Variants in PTP4A3 observed in about 807,000 individuals in gnomAD.
PTP4A3 encodes protein tyrosine phosphatase type IVA 3.
In PTP4A3, 9 loss-of-function variants were observed where a neutral mutation model predicts 15.2. That is an observed-to-expected ratio of 0.59 (90% CI 0.36 to 1.03). The LOEUF is 1.03. PTP4A3 is among the 50% of genes least tolerant of loss of function. The pLI is 0.02. For synonymous variants in PTP4A3, 95 were observed against 102.0 expected, an observed-to-expected ratio of 0.93 and a Z score of 0.41; for missense variants, 234 against 252.1, an observed-to-expected ratio of 0.93 and a Z score of 0.49.
chr8:141,404,267 T>C (rs1356379593), intron 1 of PTP4A3, among the ~76,000 whole-genome samples: 1 of 152,294 alleles, frequency 6.6e-6, no homozygotes, highest in Non-Finnish European at 1.5e-5. Flanking sequence ...TTTGAGGAGC[T>C]GCTGTACTTG....
At chr8:141,418,102 G>T (rs768630274) in intron 1 of PTP4A3, among the ~76,000 whole-genome samples, 4 of 152,008 alleles carry the variant, frequency 2.6e-5, no homozygotes, top group Non-Finnish European at 4.4e-5. Flanking sequence ...CCCTCCGGAG[G>T]GCTGGGCGGG....
chr8:141,418,574 G>C lies in PTP4A3; in HGVS notation c.-853-2814G>C, dbSNP rs80043353. On this transcript the variant is annotated intron_variant, in intron 1 of 5. Transcript: ENST00000521578. ...AGAAATAGCTGAGGGCTCTGGGCCT[G>C]CTGGCCCGAGGAGGCTGAGCCAGAT... is the stretch of plus-strand genomic sequence containing the variant. 1.8e-4 allele frequency among the ~76,000 whole-genome samples: 27 copies of C among 152,336 alleles called. No individual in the cohort carries two copies. The East Asian group carries it at 3.5e-3, about 20-fold the overall frequency.
At chr8:141,397,003 C>G (rs1832468180) in intron 1 of PTP4A3, among the ~76,000 whole-genome samples, 1 of 152,122 alleles carries the variant, frequency 6.6e-6, no homozygotes, top group African/African-American at 2.4e-5. Flanking sequence ...AGCCCACAGC[C>G]TCTCCTCCCT....
At chr8:141,411,684 G>A (rs866383085) in intron 1 of PTP4A3, among the ~76,000 whole-genome samples, 3 of 152,292 alleles carry the variant, frequency 2.0e-5, no homozygotes, top group African/African-American at 7.2e-5. Flanking sequence ...CCCCTCTGAC[G>A]TGCGTCCACT....
chr8:141,426,758 C>T, intron 3 of PTP4A3, 181 bp from the exon 4 acceptor site: 1 of 930,286 alleles, frequency 1.1e-6, no homozygotes, highest in South Asian at 5.0e-5. Flanking sequence ...CTGAAGCACT[C>T]ACCATGGGGT....
rs1056065289 is a variant in PTP4A3 at position 141,431,714 on chromosome 8, C to G, written c.*670C>G. 1 of 152,460 alleles carries G rather than the reference C, an allele frequency of 6.6e-6. No homozygotes were observed. Among genetic ancestry groups the G allele is most frequent in the Non-Finnish European group, 1.5e-5 (1 of 68,246 alleles). The allele number at this position is 152,460 out of a possible 1,614,324, so 9.4% of individuals were successfully genotyped here. A position where few individuals can be genotyped will look rare whatever the true frequency, so the allele number is the denominator to read the frequency against. On this transcript the variant is annotated 3_prime_UTR_variant, in exon 6 of 6. Coordinates refer to ENST00000521578, the MANE Select transcript of PTP4A3 (RefSeq NM_032611.3). ...AGCCTGCCCTGTCCTGTCCTGATAC[C>G]GAGGTGGGAGCCCTGCCTTGGCCAG...
At chr8:141,394,598 T>C (rs1297211482) in intron 1 of PTP4A3, among the ~76,000 whole-genome samples, 1 of 152,228 alleles carries the variant, frequency 6.6e-6, no homozygotes, top group Non-Finnish European at 1.5e-5. Flanking sequence ...CTTGGTTTCT[T>C]GCCCCTCCGT....
At chr8:141,428,649 G>A (rs1023499298) in intron 5 of PTP4A3, among the ~76,000 whole-genome samples, 3 of 152,102 alleles carry the variant, frequency 2.0e-5, no homozygotes, top group Admixed American at 6.5e-5. Flanking sequence ...AGCGTGGCCC[G>A]CCCTGTGGGT....
At position 141,425,267 on chromosome 8, in the gene PTP4A3, GC is replaced by G; in HGVS notation, c.198+129del. On this transcript the variant is annotated intron_variant, in intron 3 of 5. Coordinates refer to ENST00000521578, the MANE Select transcript of PTP4A3 (RefSeq NM_032611.3). The surrounding 1 kb of genome is among the most constrained non-coding windows in gnomAD (Gnocchi z 4.2). ...CAGCCCTGGGCATGTCTGTGCCTGG[GC>G]CACGTGTGTGTCTGGGTACATCAAG... 1 of 942,830 alleles carries G rather than the reference GC, an allele frequency of 1.1e-6. No homozygotes were observed. Among genetic ancestry groups the G allele is most frequent in the Non-Finnish European group, 1.6e-6 (1 of 622,646 alleles). The allele number at this position is 942,830 out of a possible 1,614,324, so 58.4% of individuals were successfully genotyped here.
intron 2 of PTP4A3, 139 bp from the exon 3 acceptor site, chr8:141,424,909 G>C: frequency 1.4e-6 from 1 of 694,104 alleles, no homozygotes; most frequent in South Asian, 1.8e-5. Context: ...TCCACCCCGA[G>C]AGGTCTGAGG....
chr8:141,393,639 C>T lies in PTP4A3; in HGVS notation c.-854+1555C>T, dbSNP rs529141907. The stretch of plus-strand genomic sequence containing the variant: ...AGATGCAGCCTCCAGGTGGTTTCCT[C>T]AGCTGCCTGCTCCTCTCTGCCTTTG... On this transcript the variant is annotated intron_variant, in intron 1 of 5. Transcript: ENST00000521578. 5.1e-4 allele frequency among the ~76,000 whole-genome samples: 77 copies of T among 152,344 alleles called. 1 individual carries two copies. In the Middle Eastern group the frequency reaches 0.01, roughly 20 times the overall value.
Position 141,430,971 on chromosome 8 carries a change from A to G in PTP4A3, c.449A>G (p.Glu150Gly). ...AINSKQLTYLEKYRPKQRLRF... is the reference protein window; with the variant it reads ...AINSKQLTYLGKYRPKQRLRF... ...AACAGCAAGCAGCTCACCTACCTGGAGAAATACCGGCCCAAACAGAGGCTG... is the reference window on the plus strand; with the variant it reads ...AACAGCAAGCAGCTCACCTACCTGGGGAAATACCGGCCCAAACAGAGGCTG... The change falls in exon 6 of 6, where the codon GAG becomes GGG. Residue 150 changes from glutamate (E) to glycine (G), a missense_variant. Transcript: ENST00000521578. 1 of 1,613,368 alleles carries G rather than the reference A, an allele frequency of 6.2e-7. No individual in the cohort carries two copies. Among genetic ancestry groups the G allele is most frequent in the Non-Finnish European group, 8.5e-7 (1 of 1,179,966 alleles).
At chr8:141,418,960 C>T (rs1182840348) in intron 1 of PTP4A3, among the ~76,000 whole-genome samples, 1 of 152,120 alleles carries the variant, frequency 6.6e-6, no homozygotes, top group East Asian at 1.9e-4. Flanking sequence ...GCTTTGCTCT[C>T]ACCTGGGGCA....
chr8:141,392,277 T>C (rs535372009), intron 1 of PTP4A3, 193 bp downstream of exon 1: 10 of 151,878 alleles, frequency 6.6e-5, no homozygotes, highest in African/African-American at 2.4e-4. Flanking sequence ...GGCGGGAACG[T>C]GGGCCTGGAG....
At position 141,428,718 on chromosome 8, in the gene PTP4A3, C is replaced by T. The variant is rs976911314; in HGVS notation, c.404+894C>T. ...CTCCCTGGGGACCATGGGATGTGCA[C>T]GCTCACACACAGACACGCATGGGGG... On this transcript the variant is annotated intron_variant, in intron 5 of 5. Transcript: ENST00000521578. 2.2e-4 allele frequency among the ~76,000 whole-genome samples: 34 copies of T among 152,198 alleles called. 1 individual carries two copies. Among genetic ancestry groups the T allele is most frequent in the Admixed American group, 6.5e-4 (10 of 15,276 alleles).
At position 141,425,763 on chromosome 8, in the gene PTP4A3, C is replaced by T. The variant is rs750167523; in HGVS notation, c.198+623C>T. Among the ~76,000 whole-genome samples, 1 of 152,230 alleles carries T rather than the reference C, an allele frequency of 6.6e-6. No individual in the cohort carries two copies. The highest frequency in any genetic ancestry group is 1.5e-5 in the Non-Finnish European group (1 of 68,028). On this transcript the variant is annotated intron_variant, in intron 3 of 5. Coordinates refer to ENST00000521578, the MANE Select transcript of PTP4A3 (RefSeq NM_032611.3). The surrounding 1 kb of genome is among the most constrained non-coding windows in gnomAD (Gnocchi z 4.2). The stretch of plus-strand genomic sequence containing the variant: ...AGTCTCCTCAGTGCGGAGCACCCCT[C>T]AGTCACTGCTTTTCATCCCAGGACT...
At chr8:141,411,627 G>A (rs1320048293) in intron 1 of PTP4A3, among the ~76,000 whole-genome samples, 1 of 152,250 alleles carries the variant, frequency 6.6e-6, no homozygotes, top group Non-Finnish European at 1.5e-5. Context: ...TATTTTGGAC[G>A]TGGCCTCCCG....
chr8:141,394,246 G>T (rs1832379903), intron 1 of PTP4A3, among the ~76,000 whole-genome samples: 1 of 152,142 alleles, frequency 6.6e-6, no homozygotes, highest in Non-Finnish European at 1.5e-5. Context: ...TGTCCAGGTG[G>T]CATTTGGCCA....
In PTP4A3 at chr8:141,406,085, A is replaced by G. The variant is rs1040887663; in HGVS notation, c.-854+14001A>G. On this transcript the variant is annotated intron_variant, in intron 1 of 5. Coordinates refer to ENST00000521578, the MANE Select transcript of PTP4A3 (RefSeq NM_032611.3). The surrounding 1 kb of genome is among the most constrained non-coding windows in gnomAD (Gnocchi z 4.5). ...CTGGAGGCTTTGAGCGGAGGGGGCT[A>G]TGATCTGACTTAGGTCGAGGACACT... Among the ~76,000 whole-genome samples, 8 of 152,078 alleles carry G rather than the reference A, an allele frequency of 5.3e-5. No homozygotes were observed. The highest frequency in any genetic ancestry group is 1.7e-4 in the African/African-American group (7 of 41,400).
Sources: allele counts gnomAD v4.1 joint callset (sites outside exome capture counted in the v4.1 genomes callset), GRCh38; gene constraint gnomAD v4.1.1; non-coding constraint Gnocchi (gnomAD v3.1); transcripts MANE v1.5; gene names NCBI Gene and HGNC (gene_info 2026-07-23, HGNC 2026-07-21).